PBX3: variants seen among roughly 807,000 people sequenced by gnomAD.
PBX3 encodes the protein PBX homeobox 3, also known as pre-B-cell leukemia transcription factor 3.
A neutral mutation model predicts 48.5 loss-of-function variants in PBX3; 14 were observed. The observed-to-expected ratio is 0.29, with a 90% CI of 0.19 to 0.45. The LOEUF is 0.45. PBX3 is among the 20% of genes least tolerant of loss of function. The pLI is 1.00. For synonymous variants in PBX3, 210 were observed against 200.3 expected (o/e 1.05, Z -0.41); for missense variants, 386 against 546.7 (o/e 0.71, Z 2.93).
chr9:125,834,404 T>A (rs991014299), intron 2 of PBX3, among the ~76,000 whole-genome samples: 2 of 152,026 alleles, frequency 1.3e-5, no homozygotes, highest in Non-Finnish European at 2.9e-5. Context: ...TTGTTTTTTT[T>A]ATTTTTATTT....
chr9:125,911,446 C>G (rs532385551), intron 2 of PBX3, among the ~76,000 whole-genome samples: 2 of 152,134 alleles, frequency 1.3e-5, no homozygotes, highest in East Asian at 3.9e-4. Context: ...TGACTTCTGA[C>G]CACTATCCTG....
At chr9:125,781,407 G>A (rs1297972603) in intron 2 of PBX3, among the ~76,000 whole-genome samples, 1 of 151,630 alleles carries the variant, frequency 6.6e-6, no homozygotes, top group Non-Finnish European at 1.5e-5. Flanking sequence ...GCAATCGCAG[G>A]CACTCGGCCG....
At chr9:125,899,454 T>TATAG (rs1377456112) in intron 2 of PBX3, among the ~76,000 whole-genome samples, 81 of 103,754 alleles carry the variant, frequency 7.8e-4, no homozygotes, top group Middle Eastern at 5.0e-3. Flanking sequence ...TATATATATA[T>TATAG]AGAGAGAGAG....
At chr9:125,788,280 T>C (rs1175277403) in intron 2 of PBX3, among the ~76,000 whole-genome samples, 1 of 152,244 alleles carries the variant, frequency 6.6e-6, no homozygotes, top group African/African-American at 2.4e-5. Context: ...TAAATTCTTA[T>C]TCTGGGACTT....
At chr9:125,918,196 G>T (rs1841376825) in intron 3 of PBX3, among the ~76,000 whole-genome samples, 2 of 152,162 alleles carry the variant, frequency 1.3e-5, no homozygotes, top group African/African-American at 2.4e-5. Flanking sequence ...CTTGCCATGT[G>T]TCTTTACACC....
At chr9:125,861,822 A>G (rs761408302) in intron 2 of PBX3, among the ~76,000 whole-genome samples, 10 of 152,206 alleles carry the variant, frequency 6.6e-5, no homozygotes, top group Non-Finnish European at 1.3e-4. Context: ...GAAGCAAGGG[A>G]CATAGGGTGA....
chr9:125,780,785 A>C (rs553520631), intron 2 of PBX3, among the ~76,000 whole-genome samples: 4,157 of 115,468 alleles, frequency 0.036, 69 homozygotes, highest in Middle Eastern at 0.052. Context: ...TGACCCCCCC[A>C]CCTCCCTCCC....
intron 2 of PBX3, among the ~76,000 whole-genome samples, chr9:125,803,276 C>CG: frequency 6.6e-6 from 1 of 151,312 alleles, no homozygotes; most frequent in Non-Finnish European, 1.5e-5. Context: ...TTAGTAGAGA[C>CG]GGGGTTTCAT....
intron 2 of PBX3, among the ~76,000 whole-genome samples, chr9:125,770,533 A>G (rs1300642595): frequency 6.6e-6 from 1 of 152,126 alleles, no homozygotes. Flanking sequence ...TAAGGAAAAA[A>G]TGACCCCCAA....
intron 2 of PBX3, among the ~76,000 whole-genome samples, chr9:125,756,763 G>A (rs1291626609): frequency 1.3e-5 from 2 of 152,184 alleles, no homozygotes; most frequent in Non-Finnish European, 2.9e-5. Flanking sequence ...AGGAGGATGA[G>A]TTTCTCCTGA....
intron 3 of PBX3, among the ~76,000 whole-genome samples, chr9:125,927,743 G>A (rs1841610398): frequency 6.6e-6 from 1 of 152,174 alleles, no homozygotes; most frequent in African/African-American, 2.4e-5. Flanking sequence ...ATAAATCAAA[G>A]AGAATATAGA....
At chr9:125,851,531 A>G (rs1327337058) in intron 2 of PBX3, among the ~76,000 whole-genome samples, 1 of 152,128 alleles carries the variant, frequency 6.6e-6, no homozygotes, top group Non-Finnish European at 1.5e-5. Flanking sequence ...ACGTTTGTTG[A>G]TAAACACTAT....
intron 2 of PBX3, among the ~76,000 whole-genome samples, chr9:125,892,404 A>G (rs1383791591): frequency 6.6e-6 from 1 of 152,200 alleles, no homozygotes; most frequent in African/African-American, 2.4e-5. Flanking sequence ...ATCAGAAAGC[A>G]GAAGTGATAA....
chr9:125,947,829 A>G, intron 5 of PBX3, among the ~76,000 whole-genome samples: 1 of 152,208 alleles, frequency 6.6e-6, no homozygotes, highest in South Asian at 2.1e-4. Context: ...AATTTAAACA[A>G]TAGCCAAAAG....
intron 2 of PBX3, among the ~76,000 whole-genome samples, chr9:125,769,041 A>G (rs1164546360): frequency 6.6e-6 from 1 of 152,196 alleles, no homozygotes; most frequent in African/African-American, 2.4e-5. Flanking sequence ...CTTGGCATGC[A>G]GCCTAAGTGC....
At chr9:125,794,711 T>TG (rs1419696557) in intron 2 of PBX3, among the ~76,000 whole-genome samples, 3 of 151,652 alleles carry the variant, frequency 2.0e-5, no homozygotes, top group Admixed American at 6.6e-5. Flanking sequence ...TTTTTTTTTT[T>TG]TTTTAACAGT....
At chr9:125,930,787 C>T (rs1306281727) in intron 4 of PBX3, among the ~76,000 whole-genome samples, 1 of 152,200 alleles carries the variant, frequency 6.6e-6, no homozygotes, top group Non-Finnish European at 1.5e-5. Context: ...AGTCCTACTG[C>T]CCTCCAGCCC....
rs192511120 is a variant in PBX3, at chr9:125,858,915, C to T, written c.275-56771C>T. 1.6e-4 allele frequency among the ~76,000 whole-genome samples: 25 copies of T among 152,286 alleles called. 1 individual carries two copies. Among genetic ancestry groups the T allele is most frequent in the Admixed American group, 8.5e-4 (13 of 15,304 alleles). ...TGCTAGGATTACAGGCATGAGCCAC[C>T]GCGCCTGGCCAACTTTGGCCCATTC... is the stretch of plus-strand genomic sequence containing the variant. On this transcript the variant is annotated intron_variant, in intron 2 of 8. Coordinates refer to ENST00000373489, the MANE Select transcript of PBX3 (RefSeq NM_006195.6).
intron 5 of PBX3, among the ~76,000 whole-genome samples, chr9:125,953,282 C>A (rs550699070): frequency 8.5e-5 from 13 of 152,094 alleles, no homozygotes; most frequent in Admixed American, 8.5e-4. Context: ...TTCAAGAATA[C>A]CCTGGGCAAT....
Sources: gnomAD v4.1 joint callset for allele counts (sites outside exome capture counted in the v4.1 genomes callset) on GRCh38, gnomAD v4.1.1 for gene constraint, MANE v1.5 for transcripts, NCBI Gene and HGNC (gene_info 2026-07-23, HGNC 2026-07-21) for gene names.